The following BICRA variants were observed in gnomAD, a reference collection of about 807,000 sequenced individuals.
The protein encoded by BICRA is BRD4-interacting chromatin-remodeling complex-associated protein.
Under a neutral mutation model 96.9 loss-of-function variants are expected in BICRA, and 31 were observed. That is an observed-to-expected ratio of 0.32 (90% CI 0.24 to 0.43). BICRA has a LOEUF of 0.43. BICRA is among the 20% of genes least tolerant of loss of function. The pLI, the probability that BICRA is intolerant of heterozygous loss-of-function variation, is 1.00. For missense variants in BICRA, 2,283 were observed against 2,190.3 expected (o/e 1.04, Z -0.84); for synonymous variants, 1,350 against 1,071.8 (o/e 1.26, Z -5.07).
intron 1 of BICRA, among the ~76,000 whole-genome samples, chr19:47,622,585 G>A (rs1404078362): frequency 2.6e-5 from 4 of 151,228 alleles, no homozygotes; most frequent in Non-Finnish European, 5.9e-5. Context: ...TTAGCTGGAC[G>A]TAGTGGCTGG....
Position 47,699,657 on chromosome 19 carries a change from A to G in BICRA, c.3595+252A>G, listed in dbSNP as rs570751439. On this transcript the variant is annotated intron_variant, in intron 14 of 14. Transcript: ENST00000594866. This position sits in a 1 kb window ranked among gnomAD's most constrained non-coding sequence, Gnocchi z 5.0. ...CCCCCACCACTCTGGGATGGGGGGA[A>G]TATTTCTGCCACCCCCGTGGGACAC... 2.0e-5 allele frequency among the ~76,000 whole-genome samples: 3 copies of G among 152,230 alleles called. No homozygotes were observed. Among genetic ancestry groups the G allele is most frequent in the East Asian group, 3.9e-4 (2 of 5,174 alleles).
Position 47,698,833 on chromosome 19 carries a change from G to C in BICRA, c.3397+51G>C, listed in dbSNP as rs552380045. ...TATATGTCCCAGGGGACCCCAGCCC[G>C]TGGGGCGGGGCGTCGCCAGTGTGGA... is the stretch of plus-strand genomic sequence containing the variant. On this transcript the variant is annotated intron_variant, in intron 12 of 14. Transcript: ENST00000594866. This position sits in a 1 kb window ranked among gnomAD's most constrained non-coding sequence, Gnocchi z 4.8. The C allele has an allele frequency of 2.0e-6, 3 of 1,471,754 alleles. No individual in the cohort carries two copies. The highest frequency in any genetic ancestry group is 4.8e-5 in the East Asian group (2 of 41,322). The allele number at this position is 1,471,754 out of a possible 1,614,324, so 91.2% of individuals were successfully genotyped here.
intron 7 of BICRA, among the ~76,000 whole-genome samples, chr19:47,685,776 T>TGCGCGCGC (rs1206232742): frequency 3.0e-5 from 4 of 133,188 alleles, no homozygotes; most frequent in African/African-American, 6.0e-5. Context: ...TGTGTGTGTG[T>TGCGCGCGC]GTGTGTGTGT....
At chr19:47,664,869 C>A (rs1322646507) in intron 1 of BICRA, among the ~76,000 whole-genome samples, 1 of 151,978 alleles carries the variant, frequency 6.6e-6, no homozygotes, top group Non-Finnish European at 1.5e-5. Context: ...TGCGCCCACT[C>A]CATCTCATGG....
At chr19:47,628,201 C>T (rs1972168965) in intron 1 of BICRA, among the ~76,000 whole-genome samples, 1 of 152,218 alleles carries the variant, frequency 6.6e-6, no homozygotes, top group Admixed American at 6.5e-5. Flanking sequence ...CCTCTTCGGT[C>T]TGTATGGGCT....
intron 1 of BICRA, among the ~76,000 whole-genome samples, chr19:47,646,526 G>A (rs189122513): frequency 2.7e-4 from 41 of 152,240 alleles, no homozygotes; most frequent in Non-Finnish European, 4.7e-4. Flanking sequence ...GCCTTAGCCC[G>A]GGGATTTGAG....
At chr19:47,620,016 C>G (rs928690737) in intron 1 of BICRA, among the ~76,000 whole-genome samples, 1 of 152,154 alleles carries the variant, frequency 6.6e-6, no homozygotes. Context: ...AGCCTTGCCT[C>G]TTCTAGAATT....
At position 47,700,614 on chromosome 19, in the gene BICRA, C is replaced by T. The variant is rs116984617; in HGVS notation, c.3596-714C>T. 7.9e-3 allele frequency: 1,209 copies of T among 152,102 alleles called. 39 individuals are homozygous for T. Among genetic ancestry groups the T allele is most frequent in the East Asian group, 0.061 (317 of 5,164 alleles). 9.4% of individuals were successfully genotyped at this position (152,102 alleles called of 1,614,324 possible). ...TGTGAGACCAGACTGGGCAACGTGGCGAAACCCTGTCTCTACTAAAAATAC... is the reference window on the plus strand; with the variant it reads ...TGTGAGACCAGACTGGGCAACGTGGTGAAACCCTGTCTCTACTAAAAATAC... On this transcript the variant is annotated intron_variant, in intron 14 of 14. Transcript: ENST00000594866.
Position 47,679,862 on chromosome 19 carries a change from G to T in BICRA, c.692G>T (p.Gly231Val). 1 of 1,513,396 alleles carries T rather than the reference G, an allele frequency of 6.6e-7. No individual in the cohort carries two copies. The allele number at this position is 1,513,396 out of a possible 1,614,324, so 93.7% of individuals were successfully genotyped here. ...GGGGGTGCCACGGCGGCCACACTGGGCCTGGCGCCCATCCAGGTGGTGGGC... is the reference window on the plus strand; with the variant it reads ...GGGGGTGCCACGGCGGCCACACTGGTCCTGGCGCCCATCCAGGTGGTGGGC... ...SPGGATAATL[G>V]LAPIQVVGQP... The change falls in exon 6 of 15, where the codon GGC (glycine) becomes GTC (valine). Residue 231 changes from glycine (G) to valine (V), a missense_variant. Coordinates refer to ENST00000594866, the MANE Select transcript of BICRA (RefSeq NM_001394372.1).
intron 7 of BICRA, among the ~76,000 whole-genome samples, chr19:47,687,394 G>A (rs2123597941): frequency 6.6e-6 from 1 of 152,130 alleles, no homozygotes; most frequent in African/African-American, 2.4e-5. Context: ...TTCTTTTGAT[G>A]TCTTTATTGT....
In BICRA at chr19:47,699,411, A is replaced by AG; in HGVS notation, c.3595+12dup. The AG allele has an allele frequency of 7.3e-7, 1 of 1,371,878 alleles. No homozygotes were observed. The highest frequency in any genetic ancestry group is 1.0e-6 in the Non-Finnish European group (1 of 982,422). 85.0% of individuals were successfully genotyped at this position (1,371,878 alleles called of 1,614,324 possible). On this transcript the variant is annotated splice_region_variant and intron_variant, in intron 14 of 14. Transcript: ENST00000594866. The surrounding 1 kb of genome is among the most constrained non-coding windows in gnomAD (Gnocchi z 5.0). The stretch of plus-strand genomic sequence containing the variant: ...GCTGGCCAAGGAGAAGCCGGGTGAG[A>AG]GGGGGGAGTGAGAGGGGAGGGGAGG...
At chr19:47,637,915 G>A (rs924929959) in intron 1 of BICRA, among the ~76,000 whole-genome samples, 7 of 152,160 alleles carry the variant, frequency 4.6e-5, no homozygotes, top group Middle Eastern at 3.2e-3. Context: ...TGGATGGACC[G>A]GATTTTGTTG....
intron 7 of BICRA, among the ~76,000 whole-genome samples, chr19:47,693,466 G>T (rs931714640): frequency 1.3e-5 from 2 of 152,200 alleles, no homozygotes; most frequent in South Asian, 4.1e-4. Context: ...CTTAGAAGGG[G>T]GTCCAGGCCT....
intron 2 of BICRA, among the ~76,000 whole-genome samples, chr19:47,671,945 G>A (rs1216354774): frequency 2.1e-5 from 3 of 140,920 alleles, no homozygotes; most frequent in Admixed American, 2.1e-4. Context: ...GGAGGGATGG[G>A]TGGGTAGATG....
intron 1 of BICRA, among the ~76,000 whole-genome samples, chr19:47,653,015 CTTTTTTTTTTT>C (rs869230602): frequency 1.8e-4 from 21 of 113,726 alleles, no homozygotes; most frequent in Admixed American, 9.0e-5. Context: ...CGTCCTCATT[CTTTTTTTTTTT>C]TTTTTTTTTT....
Position 47,701,053 on chromosome 19 carries a change from CA to C in BICRA, c.3596-274del. On this transcript the variant is annotated intron_variant, in intron 14 of 14. Coordinates refer to ENST00000594866, the MANE Select transcript of BICRA (RefSeq NM_001394372.1). The surrounding 1 kb of genome is among the most constrained non-coding windows in gnomAD (Gnocchi z 5.4). ...TTGGCCTCCCAAAGTGCTGGGATTA[CA>C]GGCCTGAGCCTTGTTTTGTATTCTC... The C allele has an allele frequency of 2.1e-6, 1 of 477,462 alleles. No homozygotes were observed. The highest frequency in any genetic ancestry group is 3.7e-6 in the Non-Finnish European group (1 of 270,428). 29.6% of individuals were successfully genotyped at this position (477,462 alleles called of 1,614,324 possible).
Position 47,698,876 on chromosome 19 carries a change from C to G in BICRA, c.3398-89C>G. The G allele has an allele frequency of 7.5e-7, 1 of 1,333,826 alleles. No individual in the cohort carries two copies. Among genetic ancestry groups the G allele is most frequent in the South Asian group, 1.2e-5 (1 of 80,260 alleles). The allele number at this position is 1,333,826 out of a possible 1,614,324, so 82.6% of individuals were successfully genotyped here. On this transcript the variant is annotated intron_variant, in intron 12 of 14. Coordinates refer to ENST00000594866, the MANE Select transcript of BICRA (RefSeq NM_001394372.1). The surrounding 1 kb of genome is among the most constrained non-coding windows in gnomAD (Gnocchi z 4.8). ...AGTGTGGAGCCGCAGGTCCACGGTG[C>G]GCTATGCTGACCCTGCCCCGCCCTC...
chr19:47,629,577 CGAT>C lies in BICRA; in HGVS notation c.-108+20412_-108+20414del, dbSNP rs143835668. Among the ~76,000 whole-genome samples, 714 of 152,312 alleles carry C rather than the reference CGAT, an allele frequency of 4.7e-3. 8 individuals carry two copies. The highest frequency in any genetic ancestry group is 0.016 in the African/African-American group (678 of 41,562). ...ACATTTTGCCTATCCATTTATCTGT[CGAT>C]GAACACATGAGTTGCTTACTCCTCT... is the stretch of plus-strand genomic sequence containing the variant. On this transcript the variant is annotated intron_variant, in intron 1 of 14. Transcript: ENST00000594866.
At chr19:47,647,692 C>T (rs779658101) in intron 1 of BICRA, among the ~76,000 whole-genome samples, 1 of 152,096 alleles carries the variant, frequency 6.6e-6, no homozygotes, top group Non-Finnish European at 1.5e-5. Context: ...CCATGATCGC[C>T]TGCCTCTGTT....
Sources: allele counts gnomAD v4.1 joint callset (sites outside exome capture counted in the v4.1 genomes callset), GRCh38; gene constraint gnomAD v4.1.1; non-coding constraint Gnocchi (gnomAD v3.1); transcripts MANE v1.5; gene names NCBI Gene and HGNC (gene_info 2026-07-23, HGNC 2026-07-21).